Variants in NEB observed in about 807,000 individuals in gnomAD.
NEB encodes the protein nemaline myopathy type 2.
A neutral mutation model predicts 952.2 loss-of-function variants in NEB; 512 were observed. That is an observed-to-expected ratio of 0.54 (90% CI 0.50 to 0.58). The LOEUF (loss-of-function observed/expected upper bound fraction) is 0.58, where lower values mean the gene tolerates loss of function less well. Among genes scored for constraint, NEB ranks in the 20% least tolerant of loss-of-function variants. The pLI, the probability that NEB is intolerant of heterozygous loss-of-function variation, is 0.00. For missense variants in NEB, 8,428 were observed against 9,231.1 expected, an observed-to-expected ratio of 0.91 and a Z score of 3.56; for synonymous variants, 2,900 against 3,149.8, an observed-to-expected ratio of 0.92 and a Z score of 2.66.
intron 75 of NEB, 142 bp downstream of exon 75, chr2:151,617,222 A>T: frequency 1.9e-6 from 1 of 526,644 alleles, no homozygotes; most frequent in Non-Finnish European, 3.3e-6. Flanking sequence ...CTCAAAATTG[A>T]ATCAAGTGAG....
At chr2:151,509,100 A>G (rs1295128411) in intron 161 of NEB, among the ~76,000 whole-genome samples, 1 of 152,194 alleles carries the variant, frequency 6.6e-6, no homozygotes, top group Admixed American at 6.5e-5. Flanking sequence ...GTCTCTATGT[A>G]CTTTGTTAAT....
intron 9 of NEB, among the ~76,000 whole-genome samples, chr2:151,722,651 C>T (rs2099778027): frequency 6.6e-6 from 1 of 152,142 alleles, no homozygotes; most frequent in Non-Finnish European, 1.5e-5. Flanking sequence ...TCAAGTGATC[C>T]TCCTACCTCA....
intron 24 of NEB, chr2:151,690,351 A>G (rs2099538575): frequency 4.9e-6 from 1 of 204,080 alleles, no homozygotes; most frequent in East Asian, 1.4e-4. Flanking sequence ...TCTTTTTGCA[A>G]AATCTTTGTT....
chr2:151,665,218 C>A lies in NEB; in HGVS notation c.5238+115G>T, dbSNP rs746304150. 5.1e-6 allele frequency: 5 copies of A among 973,886 alleles called. No individual in the cohort carries two copies. The East Asian group carries it at 7.8e-5, about 15-fold the overall frequency. 60.3% of individuals were successfully genotyped at this position (973,886 alleles called of 1,614,324 possible). A position where few individuals can be genotyped will look rare whatever the true frequency, so the allele number is the denominator to read the frequency against. On this transcript the variant is annotated intron_variant, in intron 42 of 181. Coordinates refer to ENST00000397345, the MANE Select transcript of NEB (RefSeq NM_001164508.2). Reference sequence around the variant, plus strand: ...AAGCAATAGAGTCCCCCTCCCACCACCGGCACGAAGACGATCAGAAAGAAA... The same window carrying A: ...AAGCAATAGAGTCCCCCTCCCACCAACGGCACGAAGACGATCAGAAAGAAA...
chr2:151,518,078 C>A (rs2079113318), intron 156 of NEB, among the ~76,000 whole-genome samples: 1 of 152,154 alleles, frequency 6.6e-6, no homozygotes, highest in Non-Finnish European at 1.5e-5. Flanking sequence ...CCTCATAAAA[C>A]ACACTCTTTA....
intron 68 of NEB, among the ~76,000 whole-genome samples, chr2:151,628,865 T>A (rs926128027): frequency 1.3e-5 from 2 of 151,194 alleles, no homozygotes; most frequent in Non-Finnish European, 2.9e-5. Flanking sequence ...TCTGAGACTC[T>A]GTCTCAAACA....
chr2:151,607,198 GA>G lies in NEB; in HGVS notation c.12639+305del, dbSNP rs1242070082. Among the ~76,000 whole-genome samples the G allele has an allele frequency of 3.6e-4, 37 of 103,478 alleles. 6 individuals carry two copies. Among genetic ancestry groups the G allele is most frequent in the African/African-American group, 9.5e-4 (37 of 39,104 alleles). The allele number at this position is 103,478 out of a possible 152,430, so 67.9% of individuals were successfully genotyped here. ...TTCTTATGGCCTTGAAATGTCAAAT[GA>G]AAAAGTCCTGGATCAATTAAAAAAA... On this transcript the variant is annotated intron_variant, in intron 83 of 181. Coordinates refer to ENST00000397345, the MANE Select transcript of NEB (RefSeq NM_001164508.2).
intron 168 of NEB, 72 bp from the exon 169 acceptor site, chr2:151,499,462 A>AC (rs1323349072): frequency 1.3e-6 from 1 of 792,362 alleles, no homozygotes; most frequent in African/African-American, 1.7e-5. Context: ...CCTTGTGGGG[A>AC]ACCTGGTATA....
At position 151,724,839 on chromosome 2, in the gene NEB, TCCATATCATTG is replaced by T. The variant is rs1559650120; in HGVS notation, c.507+7_507+17del. 1 of 1,598,290 alleles carries T rather than the reference TCCATATCATTG, an allele frequency of 6.3e-7. No homozygotes were observed. On this transcript the variant is annotated splice_region_variant and intron_variant, in intron 7 of 181. Coordinates refer to ENST00000397345, the MANE Select transcript of NEB (RefSeq NM_001164508.2). ...CACATGCTACTGAGTACCCCAGCCA[TCCATATCATTG>T]CCTTACCTTACTGACTTGCTGCGAC...
intron 60 of NEB, among the ~76,000 whole-genome samples, chr2:151,641,355 A>G (rs1342521357): frequency 6.6e-6 from 1 of 152,146 alleles, no homozygotes; most frequent in Non-Finnish European, 1.5e-5. Context: ...TATTTTAGAA[A>G]GCATCTCTCT....
Position 151,640,623 on chromosome 2 carries a change from A to G in NEB, c.8417T>C (p.Ile2806Thr). The change falls in exon 61 of 182, where the codon ATT becomes ACT. Residue 2806 changes from isoleucine to threonine, a missense_variant. Physicochemically the swap from Ile to Thr is moderately conservative, Grantham distance 89. Transcript: ENST00000397345. Reference sequence around the variant, plus strand: ...GTCATCACGTATAGCTCGGGCACCAATGTGGTGGCCGAGCTGCTTACGATA... The same window carrying G: ...GTCATCACGTATAGCTCGGGCACCAGTGTGGTGGCCGAGCTGCTTACGATA... ...EGYRKQLGHH[I>T]GARAIRDDPK... 4 of 1,613,842 alleles carry G rather than the reference A, an allele frequency of 2.5e-6. No homozygotes were observed. Among genetic ancestry groups the G allele is most frequent in the Non-Finnish European group, 3.4e-6 (4 of 1,179,802 alleles).
chr2:151,640,083 A>T, intron 61 of NEB, 23 bp from the exon 62 acceptor site: 1 of 1,593,272 alleles, frequency 6.3e-7, no homozygotes, highest in South Asian at 1.1e-5. Flanking sequence ...ATAGCCAATA[A>T]ATATTTATCT....
intron 146 of NEB, among the ~76,000 whole-genome samples, chr2:151,527,811 A>G (rs887544272): frequency 7.9e-5 from 12 of 152,206 alleles, no homozygotes; most frequent in African/African-American, 2.9e-4. Context: ...AAATTTTTAA[A>G]GGCCTCCGGG....
At chr2:151,702,621 T>A (rs1359548225) in intron 13 of NEB, among the ~76,000 whole-genome samples, 1 of 151,944 alleles carries the variant, frequency 6.6e-6, no homozygotes, top group Non-Finnish European at 1.5e-5. Flanking sequence ...CATTATGTAA[T>A]GGCCTTCTTT....
At chr2:151,720,997 G>A (rs1021597366) in intron 9 of NEB, among the ~76,000 whole-genome samples, 7 of 151,880 alleles carry the variant, frequency 4.6e-5, no homozygotes, top group South Asian at 2.1e-4. Flanking sequence ...TTCCATTAAC[G>A]CACCTTTACC....
At position 151,680,796 on chromosome 2, in the gene NEB, C is replaced by T. The variant is rs2148651722; in HGVS notation, c.2976G>A (p.Lys992=). The part of the protein sequence containing the change: ...KKYRQHPDTL[K]FTSIEDAPIT... ...TTGGAGCATCTTCAATCGAGGTAAA[C>T]TTGAGGGTGTCTGGATGTTGGCGAT... The change falls in exon 30 of 182, where the codon AAG becomes AAA. Residue 992 remains lysine (K), a synonymous_variant. Coordinates refer to ENST00000397345, the MANE Select transcript of NEB (RefSeq NM_001164508.2). 12 of 1,613,372 alleles carry T rather than the reference C, an allele frequency of 7.4e-6. No homozygotes were observed. Among genetic ancestry groups the T allele is most frequent in the Non-Finnish European group, 1.0e-5 (12 of 1,179,484 alleles).
intron 52 of NEB, among the ~76,000 whole-genome samples, chr2:151,653,063 C>G (rs1388425252): frequency 6.6e-6 from 1 of 152,128 alleles, no homozygotes; most frequent in Non-Finnish European, 1.5e-5. Flanking sequence ...ATAAAATCTT[C>G]CCCTATATTC....
chr2:151,684,937 G>C lies in NEB; in HGVS notation c.2676C>G (p.Ile892Met), dbSNP rs1162082214. ...GGAGCATATCAAGAGGTGCCGTGTA[G>C]ATAGTTTTTGACTTTTCATAATCTT... ...YRKDYEKSKT[I>M]YTAPLDMLQV... The change falls in exon 28 of 182, where the codon ATC (isoleucine) becomes ATG (methionine). Residue 892 changes from isoleucine (I) to methionine (M), a missense_variant. Physicochemically the swap from Ile to Met is conservative, Grantham distance 10. Transcript: ENST00000397345. 1 of 1,612,268 alleles carries C rather than the reference G, an allele frequency of 6.2e-7. No individual in the cohort carries two copies. Among genetic ancestry groups the C allele is most frequent in the Admixed American group, 1.7e-5 (1 of 59,750 alleles).
At position 151,639,969 on chromosome 2, in the gene NEB, T is replaced by A. The variant is rs777968994; in HGVS notation, c.8777A>T (p.Glu2926Val). 1 of 1,613,900 alleles carries A rather than the reference T, an allele frequency of 6.2e-7. No homozygotes were observed. ...GCGATAGATTTTATCACTCAAAATT[T>A]CAGTTGCCCTTTTGCATTTTTCCAC... ...LDVEKCKRAT[E>V]ILSDKIYRQP... Residue 2926 changes from glutamate to valine, a missense_variant, in exon 62 of 182, where the codon GAA (glutamate) becomes GTA (valine). Physicochemically the swap from Glu to Val is moderately radical, Grantham distance 121 (BLOSUM62 -2). Around this residue, in one of 11 missense-constraint regions of NEB, gnomAD observed 1,772 missense variants for 1,960.3 expected, o/e 0.90. Coordinates refer to ENST00000397345, the MANE Select transcript of NEB (RefSeq NM_001164508.2).
Sources: gnomAD v4.1 joint callset for allele counts (sites outside exome capture counted in the v4.1 genomes callset) on GRCh38, gnomAD v4.1.1 for gene constraint, gnomAD v4.1.1 regional missense constraint, MANE v1.5 for transcripts, NCBI Gene and HGNC (gene_info 2026-07-23, HGNC 2026-07-21) for gene names.